Variants in REDIC1 observed in about 807,000 individuals in gnomAD.
REDIC1 encodes HEI10 Interacting Protein 1.
the REDIC1 span, among the ~76,000 whole-genome samples, chr12:39,896,888 G>A: frequency 2.0e-5 from 3 of 152,076 alleles, no homozygotes; most frequent in Non-Finnish European, 4.4e-5. Flanking sequence ...GTGAAAACAC[G>A]TGTCCTTTTC....
chr12:39,732,134 T>C, the REDIC1 span, among the ~76,000 whole-genome samples: 1 of 152,214 alleles, frequency 6.6e-6, no homozygotes, highest in Admixed American at 6.5e-5. Context: ...TCAAGTTTAA[T>C]TTTGCTCCTT....
At chr12:39,745,630 A>G in the REDIC1 span, among the ~76,000 whole-genome samples, 1 of 152,270 alleles carries the variant, frequency 6.6e-6, no homozygotes, top group South Asian at 2.1e-4. Flanking sequence ...CAACTTGGTT[A>G]TAATATTTAA....
At chr12:39,688,696 A>G in the REDIC1 span, among the ~76,000 whole-genome samples, 29 of 152,344 alleles carry the variant, frequency 1.9e-4, no homozygotes, top group Admixed American at 1.4e-3. Context: ...TGATAAGTGG[A>G]ACAGCTCAAG....
At chr12:39,838,506 T>TAAA in the REDIC1 span, among the ~76,000 whole-genome samples, 433 of 142,332 alleles carry the variant, frequency 3.0e-3, no homozygotes, top group African/African-American at 0.011. Flanking sequence ...AAAAATAAAT[T>TAAA]AAAAAAAAAA....
At chr12:39,766,798 C>T in the REDIC1 span, among the ~76,000 whole-genome samples, 5 of 152,086 alleles carry the variant, frequency 3.3e-5, no homozygotes, top group Non-Finnish European at 5.9e-5. Context: ...CCTTAAGAAA[C>T]AACTCCTTAT....
At chr12:39,833,003 T>G in the REDIC1 span, among the ~76,000 whole-genome samples, 17 of 152,230 alleles carry the variant, frequency 1.1e-4, no homozygotes, top group Middle Eastern at 6.8e-3. Context: ...ATACACATCT[T>G]AAAGTTTCTT....
At chr12:39,646,452 C>T in the REDIC1 span, 1 of 1,556,626 alleles carries the variant, frequency 6.4e-7, no homozygotes, top group Non-Finnish European at 8.7e-7. Context: ...CTTGATGATA[C>T]AGAAACCAAG....
chr12:39,673,166 T>C, the REDIC1 span, among the ~76,000 whole-genome samples: 1 of 152,182 alleles, frequency 6.6e-6, no homozygotes, highest in South Asian at 2.1e-4. Flanking sequence ...CCCAGGTGTT[T>C]CCTGTCACTT....
At chr12:39,645,748 A>T in the REDIC1 span, among the ~76,000 whole-genome samples, 2 of 152,068 alleles carry the variant, frequency 1.3e-5, no homozygotes, top group Non-Finnish European at 2.9e-5. Flanking sequence ...CAATTATTTT[A>T]TCCAGAGAGA....
the REDIC1 span, among the ~76,000 whole-genome samples, chr12:39,883,172 G>A: frequency 2.0e-5 from 3 of 151,808 alleles, no homozygotes; most frequent in Non-Finnish European, 2.9e-5. Context: ...AATAAGTAAC[G>A]CTCATAAGAA....
the REDIC1 span, among the ~76,000 whole-genome samples, chr12:39,820,136 A>C: frequency 6.6e-5 from 10 of 152,270 alleles, no homozygotes; most frequent in Non-Finnish European, 1.5e-4. Context: ...AAAAGAAAAA[A>C]AATGTAATTT....
At chr12:39,653,807 T>C in the REDIC1 span, among the ~76,000 whole-genome samples, 1 of 152,126 alleles carries the variant, frequency 6.6e-6, no homozygotes, top group Admixed American at 6.6e-5. Flanking sequence ...TATAGGTGTT[T>C]TTGTAAGTGT....
the REDIC1 span, among the ~76,000 whole-genome samples, chr12:39,906,249 G>A: frequency 1.3e-5 from 2 of 152,068 alleles, no homozygotes; most frequent in Non-Finnish European, 2.9e-5. Context: ...GAAAGAAATT[G>A]AGGCTATGGG....
the REDIC1 span, among the ~76,000 whole-genome samples, chr12:39,703,015 A>G: frequency 6.6e-6 from 1 of 152,214 alleles, no homozygotes; most frequent in Non-Finnish European, 1.5e-5. Context: ...TCCCTTTGAA[A>G]CCTGGCACAA....
At chr12:39,867,955 T>C in the REDIC1 span, among the ~76,000 whole-genome samples, 4 of 152,226 alleles carry the variant, frequency 2.6e-5, no homozygotes. Context: ...AACGACTTTA[T>C]TTATAAAATA....
chr12:39,642,832 TG>T, the REDIC1 span, among the ~76,000 whole-genome samples: 2 of 151,798 alleles, frequency 1.3e-5, no homozygotes, highest in Non-Finnish European at 3.0e-5. Context: ...CTTTTTTGTG[TG>T]TGATCATTGG....
chr12:39,892,677 AGC>A, the REDIC1 span, among the ~76,000 whole-genome samples: 4 of 152,206 alleles, frequency 2.6e-5, no homozygotes, highest in Non-Finnish European at 5.9e-5. Flanking sequence ...TATAAATAGT[AGC>A]CTGGACAATT....
chr12:39,713,127 A>C, the REDIC1 span, among the ~76,000 whole-genome samples: 3 of 150,064 alleles, frequency 2.0e-5, 1 homozygote, highest in Non-Finnish European at 4.5e-5. Flanking sequence ...AGATATGTGC[A>C]TATACGTATA....
chr12:39,896,446 A>G, the REDIC1 span, among the ~76,000 whole-genome samples: 19 of 131,942 alleles, frequency 1.4e-4, no homozygotes, highest in Middle Eastern at 0.01. Flanking sequence ...ACATATATGT[A>G]TATGTGTGTA....
Sources: allele counts gnomAD v4.1 joint callset (sites outside exome capture counted in the v4.1 genomes callset), GRCh38; gene constraint gnomAD v4.1.1; transcripts MANE v1.5; gene names NCBI Gene and HGNC (gene_info 2026-07-23, HGNC 2026-07-21).